HELLS: variants seen among roughly 807,000 people sequenced by gnomAD.
HELLS encodes lymphoid-specific helicase.
In HELLS, 32 loss-of-function variants were observed where a neutral mutation model predicts 120.0. That is an observed-to-expected ratio of 0.27 (90% CI 0.20 to 0.36). HELLS has a LOEUF of 0.36. HELLS is among the 10% of genes least tolerant of loss of function. The pLI is 1.00. For missense variants in HELLS, 650 were observed against 993.4 expected (o/e 0.65, Z 4.65); for synonymous variants, 341 against 323.4 (o/e 1.05, Z -0.58).
At chr10:94,564,215 C>T (rs1843684252) in intron 6 of HELLS, among the ~76,000 whole-genome samples, 1 of 152,070 alleles carries the variant, frequency 6.6e-6, no homozygotes, top group South Asian at 2.1e-4. Flanking sequence ...TAGCATTTTG[C>T]AAGGAACTGT....
At chr10:94,602,119 C>G (rs184622795), downstream of HELLS, 3 of 152,556 alleles carry the variant, frequency 2.0e-5, no homozygotes, top group Admixed American at 2.0e-4. Context: ...ATTATTTCTT[C>G]AGGAATAGCT....
Position 94,588,314 on chromosome 10 carries a change from C to T in HELLS, c.1412C>T (p.Pro471Leu), listed in dbSNP as rs141236428. The change falls in exon 13 of 22, where the codon CCA (proline) becomes CTA (leucine). Residue 471 changes from proline (P) to leucine (L), a missense_variant. Pro to Leu is a moderately conservative substitution (Grantham distance 98). Transcript: ENST00000348459. Reference sequence around the variant, plus strand: ...AAACGAGAAGTAGTCGTTTATGCTCCACTTTCAAAGAAGCAGGAGATCTTT... The same window carrying T: ...AAACGAGAAGTAGTCGTTTATGCTCTACTTTCAAAGAAGCAGGAGATCTTT... ...PPKREVVVYAPLSKKQEIFYT... is the reference protein window; with the variant it reads ...PPKREVVVYALLSKKQEIFYT... 1.2e-6 allele frequency: 2 copies of T among 1,611,812 alleles called. No individual in the cohort carries two copies. Among genetic ancestry groups the T allele is most frequent in the African/African-American group, 2.7e-5 (2 of 74,880 alleles).
At chr10:94,583,094 G>A in intron 12 of HELLS, 35 bp downstream of exon 12, 1 of 1,230,864 alleles carries the variant, frequency 8.1e-7, no homozygotes. Flanking sequence ...TTAACCATAG[G>A]CTCGATAGAG....
At chr10:94,605,072 T>TTCCCC (rs1846113354), downstream of HELLS, among the ~76,000 whole-genome samples, 5 of 66,824 alleles carry the variant, frequency 7.5e-5, no homozygotes, top group Non-Finnish European at 1.1e-4. Flanking sequence ...GTCTTGTGTC[T>TTCCCC]CCCCCCCCCC....
Position 94,561,069 on chromosome 10 carries a change from A to G in HELLS, c.334-1622A>G, listed in dbSNP as rs1306181351. On this transcript the variant is annotated intron_variant, in intron 4 of 21. Coordinates refer to ENST00000348459, the MANE Select transcript of HELLS (RefSeq NM_018063.5). ...AGACTCTGTCTCAAAAAAAAAAACA[A>G]AAAAACAAAAAAAAAACCCTCTGAT... is the stretch of plus-strand genomic sequence containing the variant. Among the ~76,000 whole-genome samples, 5 of 145,754 alleles carry G rather than the reference A, an allele frequency of 3.4e-5. No individual in the cohort carries two copies. The East Asian group carries it at 7.7e-4, about 23-fold the overall frequency.
chr10:94,588,573 A>G (rs1845297067), intron 13 of HELLS, among the ~76,000 whole-genome samples, 183 bp downstream of exon 13: 1 of 152,000 alleles, frequency 6.6e-6, no homozygotes, highest in South Asian at 2.1e-4. Flanking sequence ...AGAGACTGGC[A>G]TTTCGCCATG....
chr10:94,583,367 T>C (rs1478040025), intron 12 of HELLS, among the ~76,000 whole-genome samples: 3 of 152,188 alleles, frequency 2.0e-5, no homozygotes, highest in Non-Finnish European at 4.4e-5. Context: ...AATACTTTTA[T>C]AATTTACATC....
At position 94,574,604 on chromosome 10, in the gene HELLS, G is replaced by A. The variant is rs1589731677; in HGVS notation, c.756G>A (p.Leu252=). Reference sequence around the variant, plus strand: ...GCATTTTAGCAGATGAAATGGGATTGGGTAAGACAGTTCAGTGCATTGCTA... The same window carrying A: ...GCATTTTAGCAGATGAAATGGGATTAGGTAAGACAGTTCAGTGCATTGCTA... ...INGILADEMG[L]GKTVQCIATI... Residue 252 remains leucine (L), a synonymous_variant, in exon 9 of 22, where the codon TTG becomes TTA. Coordinates refer to ENST00000348459, the MANE Select transcript of HELLS (RefSeq NM_018063.5). The A allele has an allele frequency of 1.2e-6, 2 of 1,613,760 alleles. No individual in the cohort carries two copies. The highest frequency in any genetic ancestry group is 1.7e-6 in the Non-Finnish European group (2 of 1,179,756).
chr10:94,599,358 A>AT (rs948692315), intron 21 of HELLS, among the ~76,000 whole-genome samples: 6 of 151,544 alleles, frequency 4.0e-5, no homozygotes, highest in South Asian at 2.1e-4. Flanking sequence ...CATCTTCATA[A>AT]TTTTTTTTTA....
intron 12 of HELLS, chr10:94,583,863 G>A (rs146238737): frequency 2.0e-5 from 8 of 398,672 alleles, no homozygotes; most frequent in African/African-American, 1.4e-4. Context: ...TTATCCCATT[G>A]TCTTGTTCTA....
intron 6 of HELLS, chr10:94,570,849 CTTT>C (rs34784678): frequency 2.6e-5 from 4 of 152,050 alleles, no homozygotes; most frequent in African/African-American, 9.7e-5. Flanking sequence ...GTTTGGCAAA[CTTT>C]TTCTGTAAAT....
chr10:94,559,570 C>T (rs921710730), intron 4 of HELLS, among the ~76,000 whole-genome samples: 5 of 151,860 alleles, frequency 3.3e-5, no homozygotes, highest in East Asian at 1.9e-4. Context: ...CTCAGCCTCC[C>T]GAGTAGCTGG....
downstream of HELLS, among the ~76,000 whole-genome samples, chr10:94,605,243 C>T (rs1846116447): frequency 6.6e-6 from 1 of 151,906 alleles, no homozygotes; most frequent in Non-Finnish European, 1.5e-5. Flanking sequence ...CCACCATGCC[C>T]AGCTAATTTT....
intron 19 of HELLS, 109 bp from the exon 20 acceptor site, chr10:94,596,751 A>T: frequency 3.4e-6 from 2 of 595,104 alleles, no homozygotes; most frequent in Admixed American, 6.0e-5. Context: ...TTTTATCAAC[A>T]CTTTTTTTTG....
intron 19 of HELLS, among the ~76,000 whole-genome samples, chr10:94,596,589 T>G (rs1845751137): frequency 6.7e-6 from 1 of 148,674 alleles, no homozygotes; most frequent in Non-Finnish European, 1.5e-5. Flanking sequence ...AAGTTGGTCC[T>G]GTACAAGTCT....
chr10:94,600,892 A>G (rs1846002971), intron 21 of HELLS, among the ~76,000 whole-genome samples: 1 of 152,200 alleles, frequency 6.6e-6, no homozygotes, highest in African/African-American at 2.4e-5. Flanking sequence ...AACCACAAAT[A>G]ATATTTGCAA....
chr10:94,597,918 T>C (rs1845819768), intron 21 of HELLS, among the ~76,000 whole-genome samples: 1 of 152,162 alleles, frequency 6.6e-6, no homozygotes, highest in Non-Finnish European at 1.5e-5. Context: ...ATTTTTCTTG[T>C]TCTGTCATTC....
intron 6 of HELLS, chr10:94,570,435 C>T (rs1187109124): frequency 6.6e-6 from 1 of 152,098 alleles, no homozygotes; most frequent in African/African-American, 2.4e-5. Context: ...CATAATACTT[C>T]ATACACACAC....
At chr10:94,546,130 C>T (rs945332349) in intron 1 of HELLS, among the ~76,000 whole-genome samples, 178 bp downstream of exon 1, 34 of 152,168 alleles carry the variant, frequency 2.2e-4, no homozygotes, top group African/African-American at 7.7e-4. Context: ...CACGTATTAG[C>T]ATGCCGGTGA....
Sources: gnomAD v4.1 joint callset for allele counts (sites outside exome capture counted in the v4.1 genomes callset) on GRCh38, gnomAD v4.1.1 for gene constraint, MANE v1.5 for transcripts, NCBI Gene and HGNC (gene_info 2026-07-23, HGNC 2026-07-21) for gene names.